PDE1A: variants seen among roughly 807,000 people sequenced by gnomAD.
PDE1A encodes dual specificity calcium/calmodulin-dependent 3',5'-cyclic nucleotide phosphodiesterase 1A.
PDE1A carries 35 observed loss-of-function variants against 61.7 expected under a neutral mutation model. The observed-to-expected ratio is 0.57, with a 90% confidence interval of 0.43 to 0.75. PDE1A has a LOEUF of 0.75. Ranked by LOEUF, PDE1A falls within the 30% of genes least tolerant of loss-of-function variation. PDE1A has a pLI of 0.00. For missense variants in PDE1A, 597 were observed against 630.6 expected, an observed-to-expected ratio of 0.95 and a Z score of 0.57; for synonymous variants, 232 against 213.2, an observed-to-expected ratio of 1.09 and a Z score of -0.77.
At chr2:182,364,261 T>C (rs1699682558) in intron 1 of PDE1A, among the ~76,000 whole-genome samples, 1 of 151,680 alleles carries the variant, frequency 6.6e-6, no homozygotes, top group Non-Finnish European at 1.5e-5. Context: ...AAGCAAGTGC[T>C]TTACAGGATT....
At chr2:182,324,518 C>A (rs1279475580) in intron 1 of PDE1A, among the ~76,000 whole-genome samples, 2 of 151,996 alleles carry the variant, frequency 1.3e-5, no homozygotes, top group Non-Finnish European at 2.9e-5. Context: ...AAATCAGAGA[C>A]CTTCTATGTA....
At chr2:182,552,726 G>A in the PDE1A span, among the ~76,000 whole-genome samples, 1 of 152,186 alleles carries the variant, frequency 6.6e-6, no homozygotes, top group Admixed American at 6.5e-5. Context: ...GAGCACAGTG[G>A]GAGGGACAAG....
intron 2 of PDE1A, among the ~76,000 whole-genome samples, chr2:182,505,932 G>C (rs1236310570): frequency 3.3e-5 from 5 of 152,148 alleles, no homozygotes; most frequent in African/African-American, 7.2e-5. Flanking sequence ...GCAGAGATTT[G>C]CTAGGAAATG....
In PDE1A at chr2:182,291,322, C is replaced by G. The variant is rs1463132706; in HGVS notation, c.54-26908G>C. 2.0e-5 allele frequency among the ~76,000 whole-genome samples: 3 copies of G among 152,212 alleles called. No homozygotes were observed. The East Asian group carries it at 5.8e-4, about 29-fold the overall frequency. ...CTCACCATATCTACACCTGGAAACT[C>G]TGTCAAACTGCTAGTCAGTCTTCAA... is the stretch of plus-strand genomic sequence containing the variant. On this transcript the variant is annotated intron_variant, in intron 1 of 13. Coordinates refer to ENST00000351439, the Ensembl canonical transcript of PDE1A.
chr2:182,340,245 A>T (rs968229321), intron 1 of PDE1A, among the ~76,000 whole-genome samples: 1 of 152,156 alleles, frequency 6.6e-6, no homozygotes, highest in Non-Finnish European at 1.5e-5. Context: ...ATTATATCCA[A>T]TTTAAATGTT....
chr2:182,322,973 GTTC>G (rs1204665924), intron 1 of PDE1A, among the ~76,000 whole-genome samples: 1 of 151,988 alleles, frequency 6.6e-6, no homozygotes, highest in Admixed American at 6.6e-5. Context: ...TACAAAATGA[GTTC>G]TTATCTGAAT....
the PDE1A span, among the ~76,000 whole-genome samples, chr2:182,555,443 T>C: frequency 1.1e-4 from 16 of 152,342 alleles, no homozygotes; most frequent in African/African-American, 3.4e-4. Flanking sequence ...AATGAACCTC[T>C]TTTTTCACAT....
chr2:182,471,900 G>A (rs1364750094), intron 2 of PDE1A, among the ~76,000 whole-genome samples: 1 of 151,652 alleles, frequency 6.6e-6, no homozygotes, highest in Non-Finnish European at 1.5e-5. Context: ...AACTGGGCTA[G>A]GGCAATGAAT....
At chr2:182,523,338 T>C (rs1259900784), upstream of PDE1A, 1 of 152,028 alleles carries the variant, frequency 6.6e-6, no homozygotes, top group East Asian at 1.9e-4. Context: ...GAGAAACTGA[T>C]GGTTTGCGGC....
intron 1 of PDE1A, among the ~76,000 whole-genome samples, chr2:182,425,970 A>G (rs957907248): frequency 1.3e-5 from 2 of 152,232 alleles, no homozygotes; most frequent in Non-Finnish European, 2.9e-5. Context: ...TCTTAAAGAA[A>G]GGGTGTACCT....
chr2:182,238,434 T>C (rs1261668755), intron 3 of PDE1A, among the ~76,000 whole-genome samples: 1 of 151,990 alleles, frequency 6.6e-6, no homozygotes, highest in Non-Finnish European at 1.5e-5. Flanking sequence ...GAGGCTTAGA[T>C]TGTGGTTGCA....
intron 1 of PDE1A, among the ~76,000 whole-genome samples, chr2:182,288,919 T>C (rs1342189517): frequency 2.6e-5 from 4 of 152,070 alleles, no homozygotes; most frequent in Non-Finnish European, 5.9e-5. Context: ...TGGTTTAAGA[T>C]TTTTCTTTTG....
At chr2:182,146,603 G>C (rs1690508798), downstream of PDE1A, among the ~76,000 whole-genome samples, 1 of 152,018 alleles carries the variant, frequency 6.6e-6, no homozygotes, top group Non-Finnish European at 1.5e-5. Context: ...TCCTGCCTCA[G>C]CCTCCCAAGT....
chr2:182,493,593 A>G (rs1688531492), intron 2 of PDE1A, among the ~76,000 whole-genome samples: 1 of 152,346 alleles, frequency 6.6e-6, no homozygotes, highest in East Asian at 1.9e-4. Context: ...CCAAAGGATT[A>G]TAAATCATGC....
At chr2:182,147,114 TTAC>T (rs759908967) in exon 14 of PDE1A, 1 of 1,608,614 alleles carries the variant, frequency 6.2e-7, no homozygotes, top group African/African-American at 1.3e-5. Flanking sequence ...TCTTCAGCAT[TTAC>T]TAAGTCTTCT....
exon 2 of PDE1A, chr2:182,522,385 T>C: frequency 1.2e-6 from 2 of 1,613,198 alleles, no homozygotes; most frequent in Non-Finnish European, 1.7e-6. Flanking sequence ...ATGATGATGC[T>C]CCTAAGACAA....
the PDE1A span, among the ~76,000 whole-genome samples, chr2:182,619,247 A>T: frequency 2.0e-5 from 3 of 152,154 alleles, no homozygotes; most frequent in African/African-American, 7.2e-5. Flanking sequence ...TTGGTCAAAT[A>T]GAAAATTTAC....
chr2:182,340,670 A>G (rs1227422041), intron 1 of PDE1A, among the ~76,000 whole-genome samples: 3 of 152,212 alleles, frequency 2.0e-5, no homozygotes, highest in African/African-American at 7.2e-5. Flanking sequence ...GCTAGAATGT[A>G]AGGGACAATA....
At chr2:182,550,670 T>C in the PDE1A span, among the ~76,000 whole-genome samples, 1 of 152,146 alleles carries the variant, frequency 6.6e-6, no homozygotes, top group South Asian at 2.1e-4. Flanking sequence ...GACAATCCAA[T>C]AGTTTTCATG....
Sources: allele counts gnomAD v4.1 joint callset (sites outside exome capture counted in the v4.1 genomes callset), GRCh38; gene constraint gnomAD v4.1.1; transcripts MANE v1.5; gene names NCBI Gene and HGNC (gene_info 2026-07-23, HGNC 2026-07-21).